The following SLC44A1 variants were observed in gnomAD, a reference collection of about 807,000 sequenced individuals.
SLC44A1 encodes the protein solute carrier family 44 member 1.
A neutral mutation model predicts 79.3 loss-of-function variants in SLC44A1; 26 were observed. The observed-to-expected ratio is 0.33, with a 90% CI of 0.24 to 0.46. The LOEUF (loss-of-function observed/expected upper bound fraction) is 0.46. Ranked by LOEUF, SLC44A1 falls within the 20% of genes least tolerant of loss-of-function variation. The pLI is 1.00. For synonymous variants in SLC44A1, 263 were observed against 286.2 expected, an observed-to-expected ratio of 0.92 and a Z score of 0.82; for missense variants, 688 against 798.1, an observed-to-expected ratio of 0.86 and a Z score of 1.66.
At chr9:105,375,220 A>G (rs1043586264) in intron 13 of SLC44A1, among the ~76,000 whole-genome samples, 44 of 152,150 alleles carry the variant, frequency 2.9e-4, no homozygotes, top group African/African-American at 1.1e-3. Flanking sequence ...TTGTATTATT[A>G]GTAGAGACAG....
chr9:105,369,696 A>G (rs561676231), intron 12 of SLC44A1, among the ~76,000 whole-genome samples: 1 of 152,322 alleles, frequency 6.6e-6, no homozygotes, highest in South Asian at 2.1e-4. Flanking sequence ...GCTTGCCCCT[A>G]TTAAGTGAGT....
chr9:105,397,309 A>G lies in SLC44A1; in HGVS notation c.*8253A>G, dbSNP rs1828895437. The G allele has an allele frequency of 1.0e-6, 1 of 978,366 alleles. No individual in the cohort carries two copies. Among genetic ancestry groups the G allele is most frequent in the Non-Finnish European group, 1.2e-6 (1 of 823,486 alleles). The allele number at this position is 978,366 out of a possible 1,614,324, so 60.6% of individuals were successfully genotyped here. A position where few individuals can be genotyped will look rare whatever the true frequency, so the allele number is the denominator to read the frequency against. ...GTATTTTAGTCTAACAAATGTATAG[A>G]ATTTTTTATGTAATAAATAAAATTT... On this transcript the variant is annotated 3_prime_UTR_variant, in exon 16 of 16. Transcript: ENST00000374720.
rs865806502 is a variant in SLC44A1 at position 105,332,402 on chromosome 9, G to T, written c.270-3161G>T. Among the ~76,000 whole-genome samples the T allele has an allele frequency of 1.6e-3, 246 of 152,228 alleles. 2 individuals are homozygous for T. Among genetic ancestry groups the T allele is most frequent in the South Asian group, 0.011 (55 of 4,824 alleles). The stretch of plus-strand genomic sequence containing the variant: ...CCCAAAGTGCTGGGTTTACAGGCTT[G>T]AGCCACTGCACCTGGCCAGCTTAAT... On this transcript the variant is annotated intron_variant, in intron 3 of 15. Transcript: ENST00000374720.
intron 1 of SLC44A1, among the ~76,000 whole-genome samples, chr9:105,273,704 A>G (rs328015): frequency 0.14 from 21,115 of 152,106 alleles, 1,917 homozygotes; most frequent in African/African-American, 0.25. Context: ...CTGCAGTCAC[A>G]GAGCAGTGAC....
chr9:105,276,568 G>A (rs1830208551), intron 1 of SLC44A1, among the ~76,000 whole-genome samples: 2 of 30,240 alleles, frequency 6.6e-5, no homozygotes, highest in East Asian at 5.7e-4. Flanking sequence ...GGGGAGCCGT[G>A]TGTGTGTGTG....
chr9:105,416,743 CAAG>C (rs1198984205), intron 15 of SLC44A1, among the ~76,000 whole-genome samples: 2 of 152,172 alleles, frequency 1.3e-5, no homozygotes, highest in South Asian at 2.1e-4. Flanking sequence ...ACCCACCTGC[CAAG>C]AAGGTTAGAT....
intron 1 of SLC44A1, among the ~76,000 whole-genome samples, chr9:105,248,298 T>C (rs1377887013): frequency 6.6e-6 from 1 of 152,242 alleles, no homozygotes; most frequent in Non-Finnish European, 1.5e-5. Context: ...ATAAAAGAGT[T>C]TGTGGTCTTC....
At chr9:105,264,904 C>G (rs1829924785) in intron 1 of SLC44A1, among the ~76,000 whole-genome samples, 1 of 151,596 alleles carries the variant, frequency 6.6e-6, no homozygotes, top group South Asian at 2.1e-4. Context: ...TCAAGTGATT[C>G]TCCTGCCTCA....
chr9:105,274,354 T>A (rs1830151989), intron 1 of SLC44A1, among the ~76,000 whole-genome samples: 1 of 152,200 alleles, frequency 6.6e-6, no homozygotes, highest in Non-Finnish European at 1.5e-5. Context: ...CGTGGAGGTG[T>A]ATTGGCCTTT....
In SLC44A1 at chr9:105,333,012, A is replaced by T. The variant is rs78868614; in HGVS notation, c.270-2551A>T. Reference sequence around the variant, plus strand: ...AAGGTCAGAGAACTATTAAGAGAGAACCAGAAAGCAAGTTCACATTGGTCT... The same window carrying T: ...AAGGTCAGAGAACTATTAAGAGAGATCCAGAAAGCAAGTTCACATTGGTCT... On this transcript the variant is annotated intron_variant, in intron 3 of 15. Transcript: ENST00000374720. Among the ~76,000 whole-genome samples, 1,431 of 152,322 alleles carry T rather than the reference A, an allele frequency of 9.4e-3. 18 individuals are homozygous for T. The highest frequency in any genetic ancestry group is 0.033 in the African/African-American group (1,372 of 41,576).
chr9:105,358,391 C>T lies in SLC44A1; in HGVS notation c.718C>T (p.Leu240Phe), dbSNP rs1827684392. 3.1e-6 allele frequency: 5 copies of T among 1,602,296 alleles called. No individual in the cohort carries two copies. The highest frequency in any genetic ancestry group is 1.3e-5 in the African/African-American group (1 of 74,654). ...GATAATCAGGTATATATCAAGAGTA[C>T]TTGTGTGGATCTTAACGATTCTGGT... Reference protein sequence around the residue: ...MVIIRYISRVLVWILTILVIL... With the variant: ...MVIIRYISRVFVWILTILVIL... The change falls in exon 7 of 16, where the codon CTT (leucine) becomes TTT (phenylalanine). Residue 240 changes from leucine (L) to phenylalanine (F), a missense_variant. Transcript: ENST00000374720.
chr9:105,395,911 T>C lies in SLC44A1; in HGVS notation c.*6855T>C. On this transcript the variant is annotated 3_prime_UTR_variant, in exon 16 of 16. Coordinates refer to ENST00000374720, the MANE Select transcript of SLC44A1 (RefSeq NM_080546.5). ...ATCCGGTGGTGACTTTTTTTTTTTT[T>C]TTGTAAATTGTATTAGATACCCCAC... The C allele has an allele frequency of 1.0e-6, 1 of 984,876 alleles. No individual in the cohort carries two copies. Among genetic ancestry groups the C allele is most frequent in the South Asian group, 4.7e-5 (1 of 21,252 alleles). The allele number at this position is 984,876 out of a possible 1,614,324, so 61.0% of individuals were successfully genotyped here.
At chr9:105,425,787 C>A (rs1188961183) in intron 15 of SLC44A1, among the ~76,000 whole-genome samples, 1 of 152,166 alleles carries the variant, frequency 6.6e-6, no homozygotes, top group African/African-American at 2.4e-5. Context: ...CATGCCACTG[C>A]ACTCCAGCCT....
chr9:105,362,318 A>G (rs1322251231), intron 8 of SLC44A1, among the ~76,000 whole-genome samples: 3 of 152,202 alleles, frequency 2.0e-5, no homozygotes. Context: ...TGTTATACAG[A>G]TATTACAACA....
intron 1 of SLC44A1, among the ~76,000 whole-genome samples, chr9:105,260,666 TTAGG>T (rs1787258622): frequency 6.6e-6 from 1 of 152,162 alleles, no homozygotes; most frequent in South Asian, 2.1e-4. Flanking sequence ...CCAAGGGATA[TTAGG>T]TAGGGTAAAT....
At position 105,390,403 on chromosome 9, in the gene SLC44A1, C is replaced by T; in HGVS notation, c.*1347C>T. 3.6e-6 allele frequency: 3 copies of T among 844,356 alleles called. No homozygotes were observed. The highest frequency in any genetic ancestry group is 5.7e-5 in the South Asian group (1 of 17,570). The allele number at this position is 844,356 out of a possible 1,614,324, so 52.3% of individuals were successfully genotyped here. On this transcript the variant is annotated 3_prime_UTR_variant, in exon 16 of 16. Transcript: ENST00000374720. The stretch of plus-strand genomic sequence containing the variant: ...AATATTTCAGAGCAAATTTTTTAAA[C>T]TTATTGCACTAAATACAGGCTCTGT...
At chr9:105,428,855 G>A (rs778896366) in intron 15 of SLC44A1, among the ~76,000 whole-genome samples, 16 of 152,084 alleles carry the variant, frequency 1.1e-4, no homozygotes, top group Non-Finnish European at 2.1e-4. Context: ...ACAGGCACGC[G>A]CCACCACGCC....
chr9:105,277,556 G>GAA (rs1830237315), intron 1 of SLC44A1, among the ~76,000 whole-genome samples: 2 of 152,086 alleles, frequency 1.3e-5, no homozygotes, highest in African/African-American at 4.8e-5. Flanking sequence ...ACACCATATA[G>GAA]GTGAACCTGG....
chr9:105,423,574 G>A (rs1829282993), intron 15 of SLC44A1, among the ~76,000 whole-genome samples: 1 of 152,164 alleles, frequency 6.6e-6, no homozygotes, highest in Non-Finnish European at 1.5e-5. Flanking sequence ...TCAGACTATT[G>A]TTCCTTGTTA....
Sources: gnomAD v4.1 joint callset for allele counts (sites outside exome capture counted in the v4.1 genomes callset) on GRCh38, gnomAD v4.1.1 for gene constraint, MANE v1.5 for transcripts, NCBI Gene and HGNC (gene_info 2026-07-23, HGNC 2026-07-21) for gene names.